ITPK1: variants seen among roughly 807,000 people sequenced by gnomAD.
ITPK1 encodes inositol 1,3,4-trisphosphate 5/6-kinase.
In ITPK1, 21 loss-of-function variants were observed where a neutral mutation model predicts 45.3. The ratio of observed to expected loss-of-function variants is 0.46; its 90% confidence interval spans 0.33 to 0.67. The LOEUF (loss-of-function observed/expected upper bound fraction) is 0.67. Ranked by LOEUF, ITPK1 falls within the 30% of genes least tolerant of loss-of-function variation. ITPK1 has a pLI of 0.02. For synonymous variants in ITPK1, 258 were observed against 253.6 expected, an observed-to-expected ratio of 1.02 and a Z score of -0.16; for missense variants, 474 against 573.5, an observed-to-expected ratio of 0.83 and a Z score of 1.77.
intron 7 of ITPK1, among the ~76,000 whole-genome samples, chr14:92,960,652 C>T (rs1885021924): frequency 6.6e-6 from 1 of 152,210 alleles, no homozygotes; most frequent in African/African-American, 2.4e-5. Context: ...CGGATCTACT[C>T]ACGTTAATAA....
In ITPK1 at chr14:92,940,539, C is replaced by T; in HGVS notation, c.*1022G>A. 1.7e-6 allele frequency: 2 copies of T among 1,170,760 alleles called. No homozygotes were observed. The highest frequency in any genetic ancestry group is 2.1e-6 in the Non-Finnish European group (2 of 932,054). The allele number at this position is 1,170,760 out of a possible 1,614,324, so 72.5% of individuals were successfully genotyped here. A position where few individuals can be genotyped will look rare whatever the true frequency, so the allele number is the denominator to read the frequency against. On this transcript the variant is annotated 3_prime_UTR_variant, in exon 11 of 11. Coordinates refer to ENST00000267615, the MANE Select transcript of ITPK1 (RefSeq NM_014216.6). ...GCCTGCTGGGTGAGGAGGGACCCAG[C>T]AGGTGTGAAAAGGAGTGAACCCACT... is the stretch of plus-strand genomic sequence containing the variant.
At chr14:92,971,436 A>T (rs1885648234) in intron 5 of ITPK1, among the ~76,000 whole-genome samples, 1 of 152,232 alleles carries the variant, frequency 6.6e-6, no homozygotes, top group East Asian at 1.9e-4. Context: ...GGTGGCCAGC[A>T]TCCAGCAGAT....
intron 3 of ITPK1, among the ~76,000 whole-genome samples, chr14:93,048,072 C>T (rs1889856923): frequency 1.3e-5 from 2 of 152,174 alleles, no homozygotes; most frequent in Non-Finnish European, 1.5e-5. Flanking sequence ...TTCATATTGA[C>T]AGCTGCTACT....
chr14:93,001,266 T>C (rs981825615), intron 4 of ITPK1, among the ~76,000 whole-genome samples: 4 of 151,868 alleles, frequency 2.6e-5, no homozygotes, highest in Non-Finnish European at 5.9e-5. Flanking sequence ...CACTCCAGCC[T>C]GGGTGACAGA....
intron 4 of ITPK1, among the ~76,000 whole-genome samples, chr14:93,009,852 C>T (rs1432934023): frequency 6.6e-6 from 1 of 152,200 alleles, no homozygotes; most frequent in Non-Finnish European, 1.5e-5. Context: ...CCAACCCTCA[C>T]ACCACCCACA....
intron 5 of ITPK1, among the ~76,000 whole-genome samples, chr14:92,979,605 T>C (rs1886113387): frequency 6.6e-6 from 1 of 152,116 alleles, no homozygotes; most frequent in Non-Finnish European, 1.5e-5. Flanking sequence ...TCTCATGAAA[T>C]CTAGCATGTC....
intron 5 of ITPK1, among the ~76,000 whole-genome samples, chr14:92,970,979 G>A (rs1019754104): frequency 1.3e-5 from 2 of 152,092 alleles, no homozygotes; most frequent in African/African-American, 4.8e-5. Context: ...ACCCACCCCC[G>A]GACTTCTCAG....
At chr14:93,108,779 G>A (rs997464682) in intron 2 of ITPK1, among the ~76,000 whole-genome samples, 6 of 152,246 alleles carry the variant, frequency 3.9e-5, no homozygotes, top group African/African-American at 1.4e-4. Context: ...TTGGGAGGCC[G>A]AGGTGGGCAG....
chr14:92,955,154 G>C lies in ITPK1; in HGVS notation c.670+3047C>G, dbSNP rs12437368. 8.9e-3 allele frequency among the ~76,000 whole-genome samples: 1,354 copies of C among 152,288 alleles called. 15 individuals carry two copies. The highest frequency in any genetic ancestry group is 0.031 in the African/African-American group (1,271 of 41,556). ...TCAGCAGACTATAGGCTGTAAGCCC[G>C]GCCACCTGCACTTGTAAATAAAGTT... On this transcript the variant is annotated intron_variant, in intron 8 of 10. Transcript: ENST00000267615.
chr14:93,112,437 AT>A (rs34131872), intron 2 of ITPK1, among the ~76,000 whole-genome samples: 26,796 of 122,536 alleles, frequency 0.22, 1,803 homozygotes, highest in African/African-American at 0.29. Context: ...GAGCAGGGCC[AT>A]TTTTTTTTTT....
chr14:93,019,405 C>T (rs1470472563), intron 3 of ITPK1, among the ~76,000 whole-genome samples: 3 of 152,220 alleles, frequency 2.0e-5, no homozygotes, highest in Non-Finnish European at 4.4e-5. Context: ...ATAAGCTCTC[C>T]GCATCCCCGG....
In ITPK1 at chr14:93,076,688, G is replaced by A. The variant is rs1400055813; in HGVS notation, c.96-69C>T. ...GGACACGTCCTTTCCGAAGGTTCCC[G>A]ACAGCCGGCTGAGGGCAGGACCATG... On this transcript the variant is annotated intron_variant, in intron 2 of 10. Transcript: ENST00000267615. This position sits in a 1 kb window ranked among gnomAD's most constrained non-coding sequence, Gnocchi z 4.3. 25 of 1,597,362 alleles carry A rather than the reference G, an allele frequency of 1.6e-5. No homozygotes were observed. Among genetic ancestry groups the A allele is most frequent in the Middle Eastern group, 1.7e-4 (1 of 5,786 alleles).
At chr14:93,085,623 A>G (rs1282567509) in intron 2 of ITPK1, among the ~76,000 whole-genome samples, 2 of 152,102 alleles carry the variant, frequency 1.3e-5, no homozygotes, top group Admixed American at 1.3e-4. Flanking sequence ...TCCCCTCCTC[A>G]GTTCAATTTT....
chr14:93,019,722 TG>T (rs903961457), intron 3 of ITPK1, among the ~76,000 whole-genome samples: 1 of 152,016 alleles, frequency 6.6e-6, no homozygotes, highest in Non-Finnish European at 1.5e-5. Flanking sequence ...AGAAAAGAGA[TG>T]GGCCCTTGGG....
At chr14:93,110,251 G>A (rs1892694501) in intron 2 of ITPK1, among the ~76,000 whole-genome samples, 1 of 152,134 alleles carries the variant, frequency 6.6e-6, no homozygotes, top group East Asian at 1.9e-4. Flanking sequence ...CATTTGCAAG[G>A]CTGGGTTATG....
At position 92,958,195 on chromosome 14, in the gene ITPK1, A is replaced by G; in HGVS notation, c.670+6T>C. On this transcript the variant is annotated splice_donor_region_variant and intron_variant, in intron 8 of 10. Transcript: ENST00000267615. This position sits in a 1 kb window ranked among gnomAD's most constrained non-coding sequence, Gnocchi z 4.4. ...CTCAGCCCAAGATGGTGAGAAGAGC[A>G]GTTACCTGATGTGCCTGCGGAGAAG... is the stretch of plus-strand genomic sequence containing the variant. The G allele has an allele frequency of 1.2e-6, 2 of 1,614,030 alleles. No individual in the cohort carries two copies. The highest frequency in any genetic ancestry group is 1.7e-6 in the Non-Finnish European group (2 of 1,179,922).
chr14:92,997,565 T>A (rs1887120492), intron 4 of ITPK1, among the ~76,000 whole-genome samples: 1 of 152,228 alleles, frequency 6.6e-6, no homozygotes, highest in Non-Finnish European at 1.5e-5. Context: ...AGCTTACCTA[T>A]TATACTGAGG....
chr14:92,974,381 A>G (rs1345096518), intron 5 of ITPK1, among the ~76,000 whole-genome samples: 2 of 152,212 alleles, frequency 1.3e-5, no homozygotes, highest in East Asian at 3.9e-4. Context: ...TGAAGCTGGC[A>G]TGCCCTGGGG....
intron 9 of ITPK1, among the ~76,000 whole-genome samples, chr14:92,947,679 T>C (rs1887753144): frequency 6.6e-6 from 1 of 152,210 alleles, no homozygotes; most frequent in Non-Finnish European, 1.5e-5. Context: ...AGGAACTGCA[T>C]CCCGTCTCCT....
Sources: gnomAD v4.1 joint callset for allele counts (sites outside exome capture counted in the v4.1 genomes callset) on GRCh38, gnomAD v4.1.1 for gene constraint, Gnocchi (gnomAD v3.1) non-coding constraint, MANE v1.5 for transcripts, NCBI Gene and HGNC (gene_info 2026-07-23, HGNC 2026-07-21) for gene names.